KCNQ5: variants seen among roughly 807,000 people sequenced by gnomAD.
KCNQ5 encodes the protein potassium voltage-gated channel subfamily KQT member 5.
In KCNQ5, 30 loss-of-function variants were observed where a neutral mutation model predicts 98.2. That is an observed-to-expected ratio of 0.31 (90% CI 0.23 to 0.41). The LOEUF (loss-of-function observed/expected upper bound fraction) is 0.41, where lower values mean the gene tolerates loss of function less well. KCNQ5 is among the 10% of genes least tolerant of loss of function. KCNQ5 has a pLI of 1.00. For synonymous variants in KCNQ5, 458 were observed against 449.4 expected, an observed-to-expected ratio of 1.02 and a Z score of -0.24; for missense variants, 835 against 1,182.5, an observed-to-expected ratio of 0.71 and a Z score of 4.31.
At chr6:72,932,470 A>G (rs1765730953) in intron 1 of KCNQ5, among the ~76,000 whole-genome samples, 1 of 152,216 alleles carries the variant, frequency 6.6e-6, no homozygotes, top group African/African-American at 2.4e-5. Context: ...GCAGGAAACT[A>G]TGTGCCTCTC....
intron 2 of KCNQ5, among the ~76,000 whole-genome samples, chr6:73,015,163 T>C (rs1383190543): frequency 1.3e-5 from 2 of 152,132 alleles, no homozygotes; most frequent in Admixed American, 6.6e-5. Context: ...GAATGAGCAA[T>C]GCTTCTTTAG....
At chr6:73,138,369 G>A (rs996992711) in intron 10 of KCNQ5, among the ~76,000 whole-genome samples, 9 of 152,138 alleles carry the variant, frequency 5.9e-5, no homozygotes, top group Non-Finnish European at 7.4e-5. Flanking sequence ...AGTTTGCTAC[G>A]AAGGAGTCCT....
At chr6:72,966,159 A>G (rs575394598) in intron 1 of KCNQ5, among the ~76,000 whole-genome samples, 2 of 152,384 alleles carry the variant, frequency 1.3e-5, no homozygotes, top group South Asian at 4.1e-4. Flanking sequence ...TTGCTGTCTC[A>G]TAAATATATT....
At chr6:72,683,774 C>A (rs2154473920) in intron 1 of KCNQ5, among the ~76,000 whole-genome samples, 1 of 151,756 alleles carries the variant, frequency 6.6e-6, no homozygotes, top group Non-Finnish European at 1.5e-5. Context: ...AAAAAAATGC[C>A]ATTTGTGTAA....
intron 1 of KCNQ5, among the ~76,000 whole-genome samples, chr6:72,901,706 T>C (rs1779512128): frequency 6.6e-6 from 1 of 152,212 alleles, no homozygotes. Context: ...CATTGGTCTA[T>C]GTGCCTATTT....
intron 1 of KCNQ5, among the ~76,000 whole-genome samples, chr6:72,694,294 C>T (rs964426111): frequency 6.6e-6 from 1 of 152,106 alleles, no homozygotes; most frequent in Non-Finnish European, 1.5e-5. Flanking sequence ...AAGTTGTGCC[C>T]CCCTGTGGCT....
chr6:72,889,642 G>A (rs948074251), intron 1 of KCNQ5, among the ~76,000 whole-genome samples: 6 of 152,004 alleles, frequency 3.9e-5, no homozygotes, highest in East Asian at 1.9e-4. Context: ...AGGTTTCAGT[G>A]GCACAAAGAA....
chr6:72,998,137 A>G (rs1382968699), intron 1 of KCNQ5, among the ~76,000 whole-genome samples: 1 of 152,134 alleles, frequency 6.6e-6, no homozygotes, highest in East Asian at 1.9e-4. Context: ...CTGCTGATGA[A>G]GTTTTGATTT....
chr6:72,796,423 C>T (rs150518415), intron 1 of KCNQ5, among the ~76,000 whole-genome samples: 24 of 152,282 alleles, frequency 1.6e-4, no homozygotes, highest in African/African-American at 5.5e-4. Flanking sequence ...GCTAAAGGAG[C>T]TCTTTTTTGC....
intron 10 of KCNQ5, among the ~76,000 whole-genome samples, chr6:73,145,162 A>AAG (rs1776871690): frequency 6.6e-6 from 1 of 152,234 alleles, no homozygotes; most frequent in Non-Finnish European, 1.5e-5. Context: ...AGCCTAAGAA[A>AAG]GAAAAGGAAA....
intron 3 of KCNQ5, among the ~76,000 whole-genome samples, chr6:73,042,560 A>G (rs1190720613): frequency 6.6e-6 from 1 of 152,330 alleles, no homozygotes; most frequent in East Asian, 1.9e-4. Context: ...ATCAATTAAC[A>G]TTCTTCAAGA....
intron 1 of KCNQ5, among the ~76,000 whole-genome samples, chr6:72,962,395 A>G (rs562309980): frequency 6.6e-6 from 1 of 151,720 alleles, no homozygotes; most frequent in Non-Finnish European, 1.5e-5. Context: ...TGAGCACAAC[A>G]TACATTACTC....
At position 72,892,387 on chromosome 6, in the gene KCNQ5, T is replaced by A. The variant is rs577017481; in HGVS notation, c.399-111521T>A. On this transcript the variant is annotated intron_variant, in intron 1 of 13. Transcript: ENST00000370398. Reference sequence around the variant, plus strand: ...TAGTGCCTCAATTGGTCAGAGCCCTTGACATACATAGGTCTTCTCTAGTTT... The same window carrying A: ...TAGTGCCTCAATTGGTCAGAGCCCTAGACATACATAGGTCTTCTCTAGTTT... Among the ~76,000 whole-genome samples the A allele has an allele frequency of 3.9e-5, 6 of 152,334 alleles. No individual in the cohort carries two copies. The South Asian group carries it at 1.0e-3, about 26-fold the overall frequency.
At chr6:73,184,780 G>A (rs1778511245) in intron 11 of KCNQ5, among the ~76,000 whole-genome samples, 1 of 152,218 alleles carries the variant, frequency 6.6e-6, no homozygotes, top group South Asian at 2.1e-4. Context: ...TTTAGGTAGA[G>A]TGCAAAGAGA....
chr6:73,159,753 A>G (rs7748418), intron 10 of KCNQ5, among the ~76,000 whole-genome samples: 111,264 of 152,084 alleles, frequency 0.73, 41,867 homozygotes, highest in East Asian at 0.89. Context: ...ATATATTTTG[A>G]ATTGTGATTC....
At position 72,647,000 on chromosome 6, in the gene KCNQ5, A is replaced by G. The variant is rs1007500946; in HGVS notation, c.398+24413A>G. On this transcript the variant is annotated intron_variant, in intron 1 of 13. Coordinates refer to ENST00000370398, the MANE Select transcript of KCNQ5 (RefSeq NM_019842.4). ...TGAGAGGTGCTTGGTAAACATAGGC[A>G]CAGAACAGACTCTAATCACGTCTTG... is the stretch of plus-strand genomic sequence containing the variant. Among the ~76,000 whole-genome samples, 72 of 152,344 alleles carry G rather than the reference A, an allele frequency of 4.7e-4. 1 individual carries two copies. Among genetic ancestry groups the G allele is most frequent in the African/African-American group, 1.7e-3 (71 of 41,590 alleles).
intron 2 of KCNQ5, among the ~76,000 whole-genome samples, chr6:73,009,659 C>T (rs997125236): frequency 1.3e-5 from 2 of 151,984 alleles, no homozygotes; most frequent in Admixed American, 1.3e-4. Flanking sequence ...AAAAAGAATA[C>T]TCGAATTAAT....
At chr6:72,670,328 C>T (rs1004505627) in intron 1 of KCNQ5, among the ~76,000 whole-genome samples, 2 of 152,180 alleles carry the variant, frequency 1.3e-5, no homozygotes, top group East Asian at 1.9e-4. Flanking sequence ...TGTGAGCTTT[C>T]ACCAGTGTTG....
At chr6:73,129,125 G>A (rs1776117496) in intron 9 of KCNQ5, among the ~76,000 whole-genome samples, 1 of 152,162 alleles carries the variant, frequency 6.6e-6, no homozygotes, top group South Asian at 2.1e-4. Context: ...GTCAACTTGT[G>A]TCCTTATTGG....
Sources: allele counts gnomAD v4.1 joint callset (sites outside exome capture counted in the v4.1 genomes callset), GRCh38; gene constraint gnomAD v4.1.1; transcripts MANE v1.5; gene names NCBI Gene and HGNC (gene_info 2026-07-23, HGNC 2026-07-21).